EFNA5: variants seen among roughly 807,000 people sequenced by gnomAD.
EFNA5 encodes the protein ephrin A5, also known as ephrin-A5.
A neutral mutation model predicts 22.9 loss-of-function variants in EFNA5; 5 were observed. The observed-to-expected ratio is 0.22, with a 90% confidence interval of 0.11 to 0.46. The LOEUF is 0.46. Among genes scored for constraint, EFNA5 ranks in the 20% least tolerant of loss-of-function variants. The pLI is 0.99. For synonymous variants in EFNA5, 113 were observed against 112.2 expected (o/e 1.01, Z -0.04); for missense variants, 237 against 293.3 (o/e 0.81, Z 1.40).
intron 1 of EFNA5, among the ~76,000 whole-genome samples, chr5:107,458,040 G>C (rs1303306686): frequency 1.6e-4 from 24 of 152,118 alleles, no homozygotes; most frequent in Admixed American, 1.5e-3. Flanking sequence ...CAAATCCCAT[G>C]CTGTTCCCTC....
intron 1 of EFNA5, among the ~76,000 whole-genome samples, chr5:107,434,702 G>A (rs991144519): frequency 6.6e-6 from 1 of 152,182 alleles, no homozygotes; most frequent in Non-Finnish European, 1.5e-5. Flanking sequence ...ATTACTGAAA[G>A]GAGACAGTGT....
At chr5:107,606,785 C>G (rs553638993) in intron 1 of EFNA5, among the ~76,000 whole-genome samples, 1 of 152,100 alleles carries the variant, frequency 6.6e-6, no homozygotes, top group African/African-American at 2.4e-5. Context: ...CCCCTCTCTC[C>G]GTGAACAATG....
At chr5:107,495,738 A>T (rs1325228318) in intron 1 of EFNA5, among the ~76,000 whole-genome samples, 1 of 152,158 alleles carries the variant, frequency 6.6e-6, no homozygotes, top group East Asian at 1.9e-4. Context: ...ATTAAACAAC[A>T]TTTAAAAATA....
At chr5:107,571,492 G>A (rs533454528) in intron 1 of EFNA5, among the ~76,000 whole-genome samples, 15 of 151,316 alleles carry the variant, frequency 9.9e-5, no homozygotes, top group Non-Finnish European at 2.2e-4. Context: ...TCACCCCCTC[G>A]TGCCAGACTA....
At chr5:107,559,517 T>C (rs1360524229) in intron 1 of EFNA5, among the ~76,000 whole-genome samples, 1 of 152,168 alleles carries the variant, frequency 6.6e-6, no homozygotes, top group Non-Finnish European at 1.5e-5. Context: ...TAATTTTTCT[T>C]CTCCACAATA....
chr5:107,402,000 G>A (rs1015515127), intron 2 of EFNA5, among the ~76,000 whole-genome samples: 1 of 152,140 alleles, frequency 6.6e-6, no homozygotes, highest in African/African-American at 2.4e-5. Flanking sequence ...CTGCTGTGAG[G>A]TTTTGACTTT....
intron 2 of EFNA5, among the ~76,000 whole-genome samples, chr5:107,416,416 T>C (rs1748505878): frequency 6.6e-6 from 1 of 152,190 alleles, no homozygotes; most frequent in African/African-American, 2.4e-5. Flanking sequence ...CTGACCCCAG[T>C]ACTAACTACA....
intron 1 of EFNA5, among the ~76,000 whole-genome samples, chr5:107,655,244 T>C (rs952742801): frequency 6.6e-6 from 1 of 152,042 alleles, no homozygotes; most frequent in Non-Finnish European, 1.5e-5. Context: ...TAACATAAAA[T>C]TACCAAGCTT....
intron 1 of EFNA5, among the ~76,000 whole-genome samples, chr5:107,535,253 T>C (rs1747903215): frequency 6.6e-6 from 1 of 152,214 alleles, no homozygotes; most frequent in Non-Finnish European, 1.5e-5. Flanking sequence ...AATGACTGTT[T>C]GTAGATTTGG....
intron 1 of EFNA5, among the ~76,000 whole-genome samples, chr5:107,512,384 ACAAC>A (rs386690862): frequency 6.6e-6 from 1 of 152,168 alleles, no homozygotes; most frequent in African/African-American, 2.4e-5. Context: ...AACAACAACA[ACAAC>A]AAAAAACACA....
At chr5:107,536,875 G>A (rs1261261404) in intron 1 of EFNA5, among the ~76,000 whole-genome samples, 2 of 152,144 alleles carry the variant, frequency 1.3e-5, no homozygotes, top group Non-Finnish European at 2.9e-5. Context: ...GGGAGGCCAA[G>A]GTGGGCAGAT....
chr5:107,434,639 T>C (rs2112428964), intron 1 of EFNA5, among the ~76,000 whole-genome samples: 1 of 152,360 alleles, frequency 6.6e-6, no homozygotes, highest in Admixed American at 6.5e-5. Context: ...TGGAGGTATT[T>C]TATCAAGAAG....
chr5:107,595,649 C>T (rs904371380), intron 1 of EFNA5, among the ~76,000 whole-genome samples: 1 of 152,236 alleles, frequency 6.6e-6, no homozygotes, highest in African/African-American at 2.4e-5. Flanking sequence ...ATCTGAGTAG[C>T]TTCCCTGCAA....
chr5:107,536,273 C>T (rs1222084832), intron 1 of EFNA5, among the ~76,000 whole-genome samples: 1 of 151,960 alleles, frequency 6.6e-6, no homozygotes, highest in Non-Finnish European at 1.5e-5. Context: ...TACCATTCAC[C>T]TGTAGCAACA....
At chr5:107,450,549 T>C (rs780595637) in intron 1 of EFNA5, among the ~76,000 whole-genome samples, 2 of 152,244 alleles carry the variant, frequency 1.3e-5, no homozygotes, top group Admixed American at 6.5e-5. Flanking sequence ...GTAACTCCAA[T>C]GTTTTTTCTA....
chr5:107,603,061 A>G (rs905978293), intron 1 of EFNA5, among the ~76,000 whole-genome samples: 3 of 152,226 alleles, frequency 2.0e-5, no homozygotes, highest in African/African-American at 7.2e-5. Context: ...TTCTTTGAGA[A>G]AACTCACCAT....
At chr5:107,426,320 T>C (rs915799642) in intron 2 of EFNA5, among the ~76,000 whole-genome samples, 15 of 152,208 alleles carry the variant, frequency 9.9e-5, no homozygotes, top group South Asian at 2.1e-4. Flanking sequence ...CTGCTTAAAG[T>C]AGCTACCACC....
chr5:107,488,744 T>C lies in EFNA5; in HGVS notation c.126-61235A>G, dbSNP rs571014645. ...TCTTGCTCTGTCGCCCAGGCTACAG[T>C]GCAATGGCACGATCTCAAATCACTG... On this transcript the variant is annotated intron_variant, in intron 1 of 4. Coordinates refer to ENST00000333274, the MANE Select transcript of EFNA5 (RefSeq NM_001962.3). 4.6e-5 allele frequency among the ~76,000 whole-genome samples: 7 copies of C among 152,288 alleles called. No homozygotes were observed. The South Asian group carries it at 1.4e-3, about 32-fold the overall frequency.
In EFNA5 at chr5:107,540,998, T is replaced by G. The variant is rs188890842; in HGVS notation, c.126-113489A>C. 5.9e-3 allele frequency among the ~76,000 whole-genome samples: 898 copies of G among 152,012 alleles called. 25 individuals carry two copies. Among genetic ancestry groups the G allele is most frequent in the Admixed American group, 0.039 (602 of 15,256 alleles). ...GGCGTGGGCCTGTAATCCCAGCTAC[T>G]CGGGAGGCTGAGGCAGGAGAATCAC... On this transcript the variant is annotated intron_variant, in intron 1 of 4. Transcript: ENST00000333274.
Sources: gnomAD v4.1 joint callset for allele counts (sites outside exome capture counted in the v4.1 genomes callset) on GRCh38, gnomAD v4.1.1 for gene constraint, MANE v1.5 for transcripts, NCBI Gene and HGNC (gene_info 2026-07-23, HGNC 2026-07-21) for gene names.